The following CSMD1 variants were observed in gnomAD, a reference collection of about 807,000 sequenced individuals.
CSMD1 encodes CUB and sushi domain-containing protein 1.
In CSMD1, 213 loss-of-function variants were observed where a neutral mutation model predicts 417.5. The observed-to-expected ratio is 0.51, with a 90% confidence interval of 0.46 to 0.57. The LOEUF (loss-of-function observed/expected upper bound fraction) is 0.57, where lower values mean the gene tolerates loss of function less well. Among genes scored for constraint, CSMD1 ranks in the 20% least tolerant of loss-of-function variants. The probability of loss-of-function intolerance (pLI) is 0.00; values close to 1 mark genes in which losing one functional copy is unlikely to be tolerated. For synonymous variants in CSMD1, 2,862 were observed against 1,736.8 expected, an observed-to-expected ratio of 1.65 and a Z score of -16.11; for missense variants, 6,923 against 4,529.7, an observed-to-expected ratio of 1.53 and a Z score of -15.17.
At chr8:4,801,777 TA>T (rs1220521208) in intron 1 of CSMD1, among the ~76,000 whole-genome samples, 1 of 151,078 alleles carries the variant, frequency 6.6e-6, no homozygotes, top group Non-Finnish European at 1.5e-5. Flanking sequence ...GAAAAAAAAA[TA>T]CAACTGAGAG....
chr8:4,752,966 A>T (rs1811428937), intron 1 of CSMD1, among the ~76,000 whole-genome samples: 1 of 152,192 alleles, frequency 6.6e-6, no homozygotes, highest in Non-Finnish European at 1.5e-5. Context: ...AAAGAAAATC[A>T]TTACTTTAAA....
intron 59 of CSMD1, 22 bp from the exon 60 acceptor site, chr8:2,963,417 G>C (rs376560469): frequency 2.2e-5 from 35 of 1,606,760 alleles, no homozygotes; most frequent in Non-Finnish European, 2.7e-5. Flanking sequence ...GAACAAACAA[G>C]ATCAACATTC....
intron 5 of CSMD1, among the ~76,000 whole-genome samples, chr8:3,926,970 T>A (rs1034739512): frequency 1.3e-5 from 2 of 151,952 alleles, no homozygotes; most frequent in Non-Finnish European, 2.9e-5. Context: ...CACCTCGGCC[T>A]CCCAAAGTGC....
intron 5 of CSMD1, among the ~76,000 whole-genome samples, chr8:3,988,970 G>A (rs10481372): frequency 6.6e-6 from 1 of 152,144 alleles, no homozygotes; most frequent in Non-Finnish European, 1.5e-5. Flanking sequence ...GTTATTTGCT[G>A]AACATAGACT....
rs1049202404 is a variant in CSMD1, at chr8:3,148,459, G to A, written c.6031+2938C>T. Among the ~76,000 whole-genome samples, 3 of 152,284 alleles carry A rather than the reference G, an allele frequency of 2.0e-5. No individual in the cohort carries two copies. In the East Asian group the frequency reaches 5.8e-4, roughly 30 times the overall value. ...GAATTGAACAGGAGAATCTGACTCA[G>A]AGGAAATCATTCACATGCGGCCGAA... On this transcript the variant is annotated intron_variant, in intron 40 of 69. Coordinates refer to ENST00000635120, the MANE Select transcript of CSMD1 (RefSeq NM_033225.6).
At chr8:3,460,434 T>A (rs1251525456) in intron 12 of CSMD1, among the ~76,000 whole-genome samples, 1 of 152,084 alleles carries the variant, frequency 6.6e-6, no homozygotes, top group Non-Finnish European at 1.5e-5. Flanking sequence ...TCCAACCAAT[T>A]TGAAACAGTG....
chr8:3,822,139 G>T (rs1014548794), intron 5 of CSMD1, among the ~76,000 whole-genome samples: 16 of 152,144 alleles, frequency 1.1e-4, no homozygotes, highest in African/African-American at 3.9e-4. Context: ...TAAGAGCAAA[G>T]ACGGAACTTC....
intron 3 of CSMD1, among the ~76,000 whole-genome samples, chr8:4,282,352 C>A (rs1796833656): frequency 6.6e-6 from 1 of 152,118 alleles, no homozygotes; most frequent in Non-Finnish European, 1.5e-5. Context: ...ATCTTCTGGC[C>A]ACTGGACAAG....
intron 12 of CSMD1, among the ~76,000 whole-genome samples, chr8:3,447,852 G>C (rs946158169): frequency 2.6e-5 from 4 of 152,076 alleles, no homozygotes; most frequent in Admixed American, 2.6e-4. Flanking sequence ...GCCATCGGAG[G>C]TGTCTTTACT....
At chr8:3,822,566 T>C (rs1326554663) in intron 5 of CSMD1, among the ~76,000 whole-genome samples, 2 of 152,226 alleles carry the variant, frequency 1.3e-5, no homozygotes, top group Non-Finnish European at 2.9e-5. Context: ...TCCGCCTCTA[T>C]CACTTCATGG....
At chr8:4,504,363 G>C (rs980154226) in intron 2 of CSMD1, among the ~76,000 whole-genome samples, 1 of 152,050 alleles carries the variant, frequency 6.6e-6, no homozygotes, top group Non-Finnish European at 1.5e-5. Flanking sequence ...ACATGGTTTG[G>C]GTTATATCTG....
At chr8:4,183,733 T>C (rs973341187) in intron 3 of CSMD1, among the ~76,000 whole-genome samples, 8 of 152,242 alleles carry the variant, frequency 5.3e-5, no homozygotes, top group African/African-American at 1.9e-4. Flanking sequence ...TATATCATTT[T>C]AAAAGATTAG....
At position 4,994,431 on chromosome 8, in the gene CSMD1, C is replaced by T; in HGVS notation, c.-15G>A. 6.2e-7 allele frequency: 1 copy of T among 1,607,534 alleles called. No homozygotes were observed. On this transcript the variant is annotated 5_prime_UTR_variant, in exon 1 of 70. Coordinates refer to ENST00000635120, the MANE Select transcript of CSMD1 (RefSeq NM_033225.6). ...CACGCAGTCATGTCTGCAGATACTCCACACGCACGCGACACCGATGGCTCC... is the reference window on the plus strand; with the variant it reads ...CACGCAGTCATGTCTGCAGATACTCTACACGCACGCGACACCGATGGCTCC...
chr8:3,367,290 A>T (rs1302002569), intron 19 of CSMD1, 43 bp from the exon 20 acceptor site: 1 of 1,432,726 alleles, frequency 7.0e-7, no homozygotes, highest in Non-Finnish European at 9.6e-7. Context: ...ACAGAGAGAG[A>T]CACACGGGGC....
intron 3 of CSMD1, among the ~76,000 whole-genome samples, chr8:4,361,032 G>A (rs1289557725): frequency 6.6e-6 from 1 of 152,112 alleles, no homozygotes; most frequent in Non-Finnish European, 1.5e-5. Context: ...TAAAATTAAT[G>A]CTATATTGAA....
chr8:2,937,706 G>A lies in CSMD1; in HGVS notation c.*879C>T, dbSNP rs187576024. ...TCAATGAATTCAACACGTAAATGGA[G>A]CTAATTGAAGCAATAATAAAATAAA... On this transcript the variant is annotated 3_prime_UTR_variant, in exon 70 of 70. Transcript: ENST00000635120. The A allele has an allele frequency of 1.3e-5, 2 of 152,372 alleles. No individual in the cohort carries two copies. The highest frequency in any genetic ancestry group is 3.9e-4 in the East Asian group (2 of 5,178). The allele number at this position is 152,372 out of a possible 1,614,324, so 9.4% of individuals were successfully genotyped here.
intron 2 of CSMD1, among the ~76,000 whole-genome samples, chr8:4,581,825 G>A (rs1036644956): frequency 2.0e-5 from 3 of 152,164 alleles, no homozygotes; most frequent in Non-Finnish European, 4.4e-5. Context: ...GGAAGCCTGG[G>A]AGGGCACAAA....
chr8:3,716,775 G>A (rs1273494084), intron 6 of CSMD1, among the ~76,000 whole-genome samples: 4 of 152,064 alleles, frequency 2.6e-5, no homozygotes, highest in African/African-American at 9.7e-5. Context: ...TGACAATATG[G>A]TTCAACTTTC....
At position 2,975,406 on chromosome 8, in the gene CSMD1, G is replaced by A. The variant is rs537628704; in HGVS notation, c.8567-782C>T. Among the ~76,000 whole-genome samples the A allele has an allele frequency of 5.9e-5, 9 of 152,244 alleles. No homozygotes were observed. The South Asian group carries it at 1.9e-3, about 32-fold the overall frequency. On this transcript the variant is annotated intron_variant, in intron 55 of 69. Transcript: ENST00000635120. ...CTATATGCAAAAATAACCGATTTGA[G>A]ACTACCAAGGAATTACTCAAAGGCG...
Sources: gnomAD v4.1 joint callset for allele counts (sites outside exome capture counted in the v4.1 genomes callset) on GRCh38, gnomAD v4.1.1 for gene constraint, MANE v1.5 for transcripts, NCBI Gene and HGNC (gene_info 2026-07-23, HGNC 2026-07-21) for gene names.